ME3: variants seen among roughly 807,000 people sequenced by gnomAD.
ME3 encodes the protein NADP-dependent malic enzyme, mitochondrial.
Under a neutral mutation model 68.9 loss-of-function variants are expected in ME3, and 48 were observed. That is an observed-to-expected ratio of 0.70 (90% CI 0.55 to 0.89). The LOEUF (loss-of-function observed/expected upper bound fraction) is 0.89. Ranked by LOEUF, ME3 falls within the 40% of genes least tolerant of loss-of-function variation. The pLI is 0.00. For synonymous variants in ME3, 320 were observed against 318.8 expected, an observed-to-expected ratio of 1.00 and a Z score of -0.04; for missense variants, 675 against 797.4, an observed-to-expected ratio of 0.85 and a Z score of 1.85.
intron 7 of ME3, 61 bp downstream of exon 7, chr11:86,487,276 G>A (rs1324521240): frequency 7.2e-7 from 1 of 1,390,122 alleles, no homozygotes; most frequent in African/African-American, 1.4e-5. Context: ...AACCAGTGTT[G>A]ACTTTAGTCA....
rs1951599818 is a variant in ME3, at chr11:86,484,850, T to C, written c.809+2487A>G. Among the ~76,000 whole-genome samples the C allele has an allele frequency of 2.6e-5, 4 of 152,242 alleles. No homozygotes were observed. In the South Asian group the frequency reaches 8.3e-4, roughly 32 times the overall value. The stretch of plus-strand genomic sequence containing the variant: ...CTGACAGGTACTGTGTGACCTGAGA[T>C]AGCTAACTTGGCCTCTCTGAGTCTC... On this transcript the variant is annotated intron_variant, in intron 7 of 14. Coordinates refer to ENST00000543262, the Ensembl canonical transcript of ME3.
chr11:86,537,366 A>G (rs1285004094), intron 4 of ME3, among the ~76,000 whole-genome samples: 1 of 151,770 alleles, frequency 6.6e-6, no homozygotes, highest in Non-Finnish European at 1.5e-5. Flanking sequence ...ATAATTGCAA[A>G]TTAAGTTTGA....
intron 2 of ME3, among the ~76,000 whole-genome samples, chr11:86,610,604 C>T (rs953474744): frequency 2.0e-5 from 3 of 149,248 alleles, no homozygotes; most frequent in Non-Finnish European, 3.0e-5. Flanking sequence ...CCTTGCTGCT[C>T]AGGGTGGCTG....
At chr11:86,471,220 C>G (rs1950769243) in intron 7 of ME3, among the ~76,000 whole-genome samples, 1 of 146,450 alleles carries the variant, frequency 6.8e-6, no homozygotes, top group Non-Finnish European at 1.5e-5. Flanking sequence ...GCAACCTCCT[C>G]CACCTCCCGG....
intron 2 of ME3, among the ~76,000 whole-genome samples, chr11:86,661,035 G>C (rs570908602): frequency 1.6e-4 from 25 of 152,212 alleles, no homozygotes; most frequent in African/African-American, 6.0e-4. Context: ...AAGGAGAAGG[G>C]AATGTAGAGG....
intron 5 of ME3, among the ~76,000 whole-genome samples, chr11:86,506,379 C>G (rs1316337807): frequency 6.6e-6 from 1 of 152,164 alleles, no homozygotes; most frequent in Non-Finnish European, 1.5e-5. Flanking sequence ...GAATTTACAT[C>G]TTGGTTTCCC....
downstream of ME3, among the ~76,000 whole-genome samples, chr11:86,437,613 T>C (rs1358307780): frequency 6.6e-6 from 1 of 152,178 alleles, no homozygotes; most frequent in Admixed American, 6.5e-5. Flanking sequence ...TCTCTCTCAA[T>C]TTATTTAGAT....
chr11:86,618,299 CAAAAAAAAAAA>C (rs55824426), intron 2 of ME3, among the ~76,000 whole-genome samples: 117 of 55,944 alleles, frequency 2.1e-3, no homozygotes, highest in Admixed American at 1.6e-3. Flanking sequence ...GGCTCTGTCT[CAAAAAAAAAAA>C]AAAAAAAAAA....
At chr11:86,657,804 C>G (rs1217976583) in intron 2 of ME3, among the ~76,000 whole-genome samples, 1 of 152,116 alleles carries the variant, frequency 6.6e-6, no homozygotes, top group Non-Finnish European at 1.5e-5. Flanking sequence ...ATTGTACACT[C>G]AGCAATAAGA....
chr11:86,613,967 C>T (rs924631214), intron 2 of ME3, among the ~76,000 whole-genome samples: 19 of 152,098 alleles, frequency 1.2e-4, no homozygotes, highest in Non-Finnish European at 2.2e-4. Flanking sequence ...AGAAAAAAAT[C>T]TACTTTAAAT....
chr11:86,507,188 T>A (rs1953145465), intron 5 of ME3, among the ~76,000 whole-genome samples: 2 of 152,002 alleles, frequency 1.3e-5, no homozygotes, highest in African/African-American at 4.8e-5. Flanking sequence ...ATATTTGGTG[T>A]CCAGTGGAGA....
intron 4 of ME3, among the ~76,000 whole-genome samples, chr11:86,547,330 G>C (rs796130769): frequency 5.9e-5 from 9 of 151,828 alleles, no homozygotes; most frequent in African/African-American, 2.2e-4. Context: ...GTTATTTGCA[G>C]GGACATGGAT....
chr11:86,515,728 C>G (rs585218), intron 4 of ME3, among the ~76,000 whole-genome samples: 38,270 of 151,974 alleles, frequency 0.25, 5,335 homozygotes, highest in African/African-American at 0.38. Context: ...TTGGGGTAGT[C>G]ATTTAGGTGC....
chr11:86,627,754 G>C (rs2135303337), intron 2 of ME3, among the ~76,000 whole-genome samples: 1 of 152,276 alleles, frequency 6.6e-6, no homozygotes, highest in Admixed American at 6.5e-5. Context: ...CTCACTAGCA[G>C]ATTTAATGTC....
At chr11:86,595,865 T>G (rs541069528) in intron 2 of ME3, among the ~76,000 whole-genome samples, 49 of 152,356 alleles carry the variant, frequency 3.2e-4, no homozygotes, top group African/African-American at 1.1e-3. Flanking sequence ...GAAGTTGTGT[T>G]AGAGGGCACC....
At chr11:86,534,063 TGA>T (rs1955464186) in intron 4 of ME3, among the ~76,000 whole-genome samples, 1 of 122,874 alleles carries the variant, frequency 8.1e-6, no homozygotes, top group Non-Finnish European at 1.7e-5. Context: ...ATGGTAAAAA[TGA>T]GGTGTGTGTG....
intron 14 of ME3, among the ~76,000 whole-genome samples, chr11:86,442,564 C>T (rs1182722596): frequency 6.6e-6 from 1 of 152,032 alleles, no homozygotes; most frequent in Non-Finnish European, 1.5e-5. Context: ...TATTCTGGTC[C>T]ACAGACATTG....
At chr11:86,653,848 G>A (rs544304507) in intron 2 of ME3, among the ~76,000 whole-genome samples, 1 of 152,162 alleles carries the variant, frequency 6.6e-6, no homozygotes, top group African/African-American at 2.4e-5. Flanking sequence ...TAGACTGCTA[G>A]CAAGACTAAT....
At chr11:86,482,561 T>G (rs664613) in intron 7 of ME3, among the ~76,000 whole-genome samples, 42,991 of 149,536 alleles carry the variant, frequency 0.29, 6,680 homozygotes, top group Non-Finnish European at 0.33. Flanking sequence ...ATTTATTTCC[T>G]TGTATAACCT....
Sources: gnomAD v4.1 joint callset for allele counts (sites outside exome capture counted in the v4.1 genomes callset) on GRCh38, gnomAD v4.1.1 for gene constraint, MANE v1.5 for transcripts, NCBI Gene and HGNC (gene_info 2026-07-23, HGNC 2026-07-21) for gene names.